Variants in PRH1 observed in about 807,000 individuals in gnomAD.
The protein encoded by PRH1 is proline rich protein HaeIII subfamily 1.
A neutral mutation model predicts 7.9 loss-of-function variants in PRH1; 7 were observed. The observed-to-expected ratio is 0.89, with a 90% confidence interval of 0.50 to 1.67. PRH1 has a LOEUF of 1.67. Among genes scored for constraint, PRH1 ranks in the 40% most tolerant of loss-of-function variants. The probability of loss-of-function intolerance (pLI) is 0.00; values close to 1 mark genes in which losing one functional copy is unlikely to be tolerated. For missense variants in PRH1, 109 were observed against 223.6 expected, an observed-to-expected ratio of 0.49 and a Z score of 3.27; for synonymous variants, 45 against 80.8, an observed-to-expected ratio of 0.56 and a Z score of 2.38.
chr12:11,147,274 T>C (rs1946891872), intron 1 of PRH1, among the ~76,000 whole-genome samples: 1 of 152,140 alleles, frequency 6.6e-6, no homozygotes, highest in Non-Finnish European at 1.5e-5. Flanking sequence ...CACTGCAGCA[T>C]CAGCCTCCCA....
At chr12:10,912,344 C>T (rs1034561746) in intron 2 of PRH1, among the ~76,000 whole-genome samples, 3 of 152,040 alleles carry the variant, frequency 2.0e-5, no homozygotes, top group Non-Finnish European at 4.4e-5. Context: ...TTGGCAGTTA[C>T]GACTTTCTAG....
chr12:11,107,079 A>G (rs1831693807), intron 1 of PRH1, among the ~76,000 whole-genome samples: 1 of 152,112 alleles, frequency 6.6e-6, no homozygotes, highest in African/African-American at 2.4e-5. Flanking sequence ...GCTTGATCAC[A>G]GCTCACTCCA....
chr12:11,131,920 C>A (rs1438778634), intron 1 of PRH1, among the ~76,000 whole-genome samples: 2 of 152,188 alleles, frequency 1.3e-5, no homozygotes, highest in African/African-American at 4.8e-5. Flanking sequence ...TTTTGACCAT[C>A]TATTCCTTGT....
intron 2 of PRH1, among the ~76,000 whole-genome samples, chr12:10,917,508 C>T (rs890872259): frequency 2.0e-5 from 3 of 152,098 alleles, no homozygotes; most frequent in Admixed American, 6.5e-5. Flanking sequence ...ATTCAGCTGG[C>T]AATTTTCATA....
At chr12:10,996,482 A>G (rs1012101316) in intron 1 of PRH1, 1 of 152,672 alleles carries the variant, frequency 6.5e-6, no homozygotes, top group Non-Finnish European at 1.5e-5. Flanking sequence ...ACTATGGTAC[A>G]TATACGTGAT....
At chr12:11,132,606 A>AT (rs1293992758) in intron 1 of PRH1, among the ~76,000 whole-genome samples, 2 of 152,248 alleles carry the variant, frequency 1.3e-5, no homozygotes, top group Non-Finnish European at 2.9e-5. Context: ...TATAGCAGAG[A>AT]TTTTTTTCTA....
At chr12:11,116,927 T>A (rs1486591702), downstream of PRH1, among the ~76,000 whole-genome samples, 1 of 151,942 alleles carries the variant, frequency 6.6e-6, no homozygotes, top group Non-Finnish European at 1.5e-5. Flanking sequence ...AATCTCAACA[T>A]AATAAAAATC....
chr12:11,130,878 G>T (rs1480112517), intron 1 of PRH1, among the ~76,000 whole-genome samples: 2 of 151,528 alleles, frequency 1.3e-5, no homozygotes, highest in Non-Finnish European at 2.9e-5. Context: ...CATAAAGCCA[G>T]CCATGACTGG....
intron 1 of PRH1, among the ~76,000 whole-genome samples, chr12:11,150,443 G>GA (rs1947038060): frequency 8.5e-5 from 13 of 152,182 alleles, no homozygotes; most frequent in Admixed American, 7.2e-4. Context: ...ATGATAGACT[G>GA]GATTAAGAAA....
At chr12:11,105,936 C>CTT (rs765916131) in intron 1 of PRH1, among the ~76,000 whole-genome samples, 276 of 94,928 alleles carry the variant, frequency 2.9e-3, no homozygotes, top group East Asian at 5.0e-3. Context: ...ATAACTTATT[C>CTT]TTTTTTTTTT....
At position 11,168,289 on chromosome 12, in the gene PRH1, AAAG is replaced by A. The variant is rs1565725873; in HGVS notation, n.39+3130_39+3132del. On this transcript the variant is annotated intron_variant and non_coding_transcript_variant, in intron 1 of 1. Coordinates refer to the PRH1 transcript ENST00000541175. ...GAAAGAAAGAAAGAAAGAAAGAAAG[AAAG>A]AAAGAAAGAAGGAAGGAAGGAAGGA... Among the ~76,000 whole-genome samples the A allele has an allele frequency of 3.6e-3, 139 of 38,478 alleles. 16 individuals are homozygous for A. The highest frequency in any genetic ancestry group is 9.4e-3 in the Middle Eastern group (1 of 106). 25.2% of individuals were successfully genotyped at this position (38,478 alleles called of 152,430 possible). A position where few individuals can be genotyped will look rare whatever the true frequency, so the allele number is the denominator to read the frequency against.
At chr12:11,110,139 A>C (rs1327710067) in intron 1 of PRH1, among the ~76,000 whole-genome samples, 1 of 152,158 alleles carries the variant, frequency 6.6e-6, no homozygotes, top group Non-Finnish European at 1.5e-5. Flanking sequence ...GAAAAGGAAC[A>C]AACAAAGCCT....
chr12:11,168,517 CAA>C (rs1340327099), intron 1 of PRH1, among the ~76,000 whole-genome samples: 1 of 151,854 alleles, frequency 6.6e-6, no homozygotes, highest in African/African-American at 2.4e-5. Context: ...TTTCCTAATA[CAA>C]AAAAGTTTTC....
chr12:10,929,419 AGAG>A (rs1950170406), intron 2 of PRH1: 1 of 1,556,986 alleles, frequency 6.4e-7, no homozygotes, highest in Non-Finnish European at 8.8e-7. Flanking sequence ...TGGAGGGAAG[AGAG>A]GAGGATGAGA....
intron 1 of PRH1, among the ~76,000 whole-genome samples, chr12:11,089,708 C>A (rs1334100178): frequency 8.2e-6 from 1 of 121,724 alleles, no homozygotes; most frequent in Non-Finnish European, 1.9e-5. Flanking sequence ...AAATAGTCAA[C>A]TAGAAAATAT....
intron 1 of PRH1, chr12:11,062,363 C>T: frequency 6.9e-7 from 1 of 1,450,618 alleles, no homozygotes; most frequent in South Asian, 1.5e-5. Flanking sequence ...GCTTGAATAT[C>T]CTGACCTTAA....
intron 1 of PRH1, among the ~76,000 whole-genome samples, chr12:11,128,208 C>G (rs1166257054): frequency 6.6e-6 from 1 of 151,902 alleles, no homozygotes; most frequent in African/African-American, 2.4e-5. Context: ...AGAATTTACA[C>G]TTCTCTGTGT....
At chr12:11,138,256 CT>C (rs1946609998) in intron 1 of PRH1, among the ~76,000 whole-genome samples, 1 of 152,006 alleles carries the variant, frequency 6.6e-6, no homozygotes, top group Non-Finnish European at 1.5e-5. Flanking sequence ...CTTGTAAATG[CT>C]TTTTCACATT....
chr12:11,076,141 A>C (rs1944280990), intron 1 of PRH1, among the ~76,000 whole-genome samples: 1 of 118,544 alleles, frequency 8.4e-6, no homozygotes, highest in African/African-American at 2.8e-5. Flanking sequence ...ACAATGTTAA[A>C]ATCTCATAAC....
Sources: allele counts gnomAD v4.1 joint callset (sites outside exome capture counted in the v4.1 genomes callset), GRCh38; gene constraint gnomAD v4.1.1; transcripts MANE v1.5; gene names NCBI Gene and HGNC (gene_info 2026-07-23, HGNC 2026-07-21).